The following HTR1E variants were observed in gnomAD, a reference collection of about 807,000 sequenced individuals.
HTR1E encodes 5-hydroxytryptamine receptor 1E.
Under a neutral mutation model 3.4 loss-of-function variants are expected in HTR1E, and 3 were observed. The observed-to-expected ratio is 0.89, with a 90% confidence interval of 0.41 to 2.31. The LOEUF is 2.31. Ranked by LOEUF, HTR1E falls within the 30% of genes most tolerant of loss-of-function variation. The pLI is 0.05. For missense variants in HTR1E, 392 were observed against 467.0 expected (o/e 0.84, Z 1.48); for synonymous variants, 170 against 182.8 (o/e 0.93, Z 0.56).
At chr6:87,000,293 A>T (rs1361816178) in intron 1 of HTR1E, 1 of 152,244 alleles carries the variant, frequency 6.6e-6, no homozygotes, top group East Asian at 1.9e-4. Flanking sequence ...TGACTGCTGA[A>T]AAAGGGGTCA....
At chr6:86,943,690 A>G (rs999872561) in intron 1 of HTR1E, among the ~76,000 whole-genome samples, 1 of 152,226 alleles carries the variant, frequency 6.6e-6, no homozygotes, top group African/African-American at 2.4e-5. Context: ...CAGCTCTGCC[A>G]TTCATTAACT....
chr6:86,979,002 C>T (rs1182686332), intron 1 of HTR1E, among the ~76,000 whole-genome samples: 1 of 152,152 alleles, frequency 6.6e-6, no homozygotes, highest in African/African-American at 2.4e-5. Context: ...CAGCAATGTA[C>T]CTTTGAGTCA....
chr6:86,944,262 A>C (rs1030010854), intron 1 of HTR1E, among the ~76,000 whole-genome samples: 1 of 152,212 alleles, frequency 6.6e-6, no homozygotes, highest in Admixed American at 6.5e-5. Flanking sequence ...ACAAGTCACT[A>C]GTTTCAGCCT....
intron 1 of HTR1E, among the ~76,000 whole-genome samples, chr6:86,985,643 A>G (rs2127826477): frequency 6.6e-6 from 1 of 152,302 alleles, no homozygotes; most frequent in East Asian, 1.9e-4. Context: ...GACAACCACT[A>G]TGGCTGTGAA....
intron 1 of HTR1E, among the ~76,000 whole-genome samples, chr6:87,008,805 A>G (rs563157990): frequency 1.3e-5 from 2 of 152,322 alleles, no homozygotes; most frequent in East Asian, 3.9e-4. Flanking sequence ...GTTTATTAAA[A>G]TATTATAAGA....
intron 1 of HTR1E, among the ~76,000 whole-genome samples, chr6:86,945,721 GTTTTGTTTTTGT>G (rs545810614): frequency 1.3e-5 from 2 of 151,772 alleles, no homozygotes; most frequent in East Asian, 1.9e-4. Context: ...GGGGTTTTTT[GTTTTGTTTTTGT>G]TTTTGTTTTT....
At chr6:86,969,522 A>C (rs1419223703) in intron 1 of HTR1E, among the ~76,000 whole-genome samples, 31 of 152,168 alleles carry the variant, frequency 2.0e-4, no homozygotes, top group Admixed American at 2.0e-3. Context: ...TCCGCCATGT[A>C]CTTCCAAGAC....
chr6:86,963,104 G>A (rs1767430556), intron 1 of HTR1E, among the ~76,000 whole-genome samples: 1 of 152,094 alleles, frequency 6.6e-6, no homozygotes, highest in South Asian at 2.1e-4. Flanking sequence ...ACCTTCCTGT[G>A]GGACAAGATG....
intron 1 of HTR1E, among the ~76,000 whole-genome samples, chr6:86,939,084 C>A (rs560655946): frequency 2.6e-5 from 4 of 152,318 alleles, no homozygotes; most frequent in African/African-American, 7.2e-5. Context: ...GACAGCTTTT[C>A]TCTTTCTGGT....
chr6:87,005,468 G>A (rs141956186), intron 1 of HTR1E, among the ~76,000 whole-genome samples: 152 of 152,234 alleles, frequency 1.0e-3, no homozygotes, highest in African/African-American at 3.3e-3. Context: ...TGACAAAAGT[G>A]CTGAGAACAT....
At chr6:86,961,364 A>T (rs1767404280) in intron 1 of HTR1E, among the ~76,000 whole-genome samples, 1 of 152,210 alleles carries the variant, frequency 6.6e-6, no homozygotes, top group South Asian at 2.1e-4. Context: ...AAGAAAAAGA[A>T]TTTTTTTAAT....
intron 1 of HTR1E, among the ~76,000 whole-genome samples, chr6:86,967,782 CTA>C (rs1040647202): frequency 2.0e-4 from 31 of 151,992 alleles, no homozygotes; most frequent in African/African-American, 7.0e-4. Context: ...TTTTATAAAC[CTA>C]TCTCATTATA....
chr6:86,999,550 T>G (rs974163754), intron 1 of HTR1E, among the ~76,000 whole-genome samples: 1 of 152,188 alleles, frequency 6.6e-6, no homozygotes, highest in African/African-American at 2.4e-5. Flanking sequence ...AAAAAGCACC[T>G]TAGAAAAACT....
chr6:87,010,338 G>A (rs80251325), intron 1 of HTR1E, among the ~76,000 whole-genome samples: 9,714 of 104,512 alleles, frequency 0.093, 379 homozygotes, highest in Non-Finnish European at 0.13. Flanking sequence ...CCTCCCTCCC[G>A]GACGGGGCGG....
intron 1 of HTR1E, among the ~76,000 whole-genome samples, chr6:86,954,973 A>G (rs1352363203): frequency 6.6e-6 from 1 of 152,094 alleles, no homozygotes; most frequent in Non-Finnish European, 1.5e-5. Context: ...AACCCATTGT[A>G]CCCCAGAGCA....
At chr6:86,973,770 A>C (rs759880757) in intron 1 of HTR1E, among the ~76,000 whole-genome samples, 1 of 152,236 alleles carries the variant, frequency 6.6e-6, no homozygotes, top group African/African-American at 2.4e-5. Flanking sequence ...GAGCTTAGAA[A>C]GAATACAAGT....
chr6:86,939,505 T>C (rs774842813), intron 1 of HTR1E, among the ~76,000 whole-genome samples: 9 of 152,210 alleles, frequency 5.9e-5, no homozygotes, highest in Non-Finnish European at 1.0e-4. Flanking sequence ...TAGATCTCAA[T>C]TGAGACTTCT....
chr6:86,999,001 C>G (rs1767981283), intron 1 of HTR1E, among the ~76,000 whole-genome samples: 1 of 152,094 alleles, frequency 6.6e-6, no homozygotes, highest in Non-Finnish European at 1.5e-5. Flanking sequence ...GCCCTGTCAC[C>G]CAGGCGGGAG....
intron 1 of HTR1E, among the ~76,000 whole-genome samples, chr6:87,010,358 C>CA (rs1768197392): frequency 9.7e-6 from 1 of 102,988 alleles, no homozygotes; most frequent in Admixed American, 9.6e-5. Flanking sequence ...GCTGGCCGGG[C>CA]GGGGGGCTGA....
Sources: allele counts gnomAD v4.1 joint callset (sites outside exome capture counted in the v4.1 genomes callset), GRCh38; gene constraint gnomAD v4.1.1; transcripts MANE v1.5; gene names NCBI Gene and HGNC (gene_info 2026-07-23, HGNC 2026-07-21).